KLHL8: variants seen among roughly 807,000 people sequenced by gnomAD.
KLHL8 encodes kelch-like protein 8.
In KLHL8, 38 loss-of-function variants were observed where a neutral mutation model predicts 63.5. The ratio of observed to expected loss-of-function variants is 0.60; its 90% confidence interval spans 0.46 to 0.78. The LOEUF (loss-of-function observed/expected upper bound fraction) is 0.78, where lower values mean the gene tolerates loss of function less well. KLHL8 is among the 30% of genes least tolerant of loss of function. KLHL8 has a pLI of 0.00. For missense variants in KLHL8, 566 were observed against 752.4 expected, an observed-to-expected ratio of 0.75 and a Z score of 2.90; for synonymous variants, 224 against 254.3, an observed-to-expected ratio of 0.88 and a Z score of 1.13.
intron 4 of KLHL8, 140 bp from the exon 5 acceptor site, chr4:87,178,760 C>G (rs867474459): frequency 1.1e-5 from 9 of 802,740 alleles, no homozygotes; most frequent in Middle Eastern, 3.5e-4. Flanking sequence ...TACTAGAAAT[C>G]TAATAAAATT....
intron 8 of KLHL8, among the ~76,000 whole-genome samples, chr4:87,164,942 A>C (rs537279220): frequency 1.3e-5 from 2 of 151,980 alleles, no homozygotes; most frequent in Non-Finnish European, 2.9e-5. Context: ...AGGTCAGGAG[A>C]TCGAGACCAT....
At chr4:87,225,857 T>C (rs923734247) in intron 1 of KLHL8, among the ~76,000 whole-genome samples, 2 of 152,220 alleles carry the variant, frequency 1.3e-5, no homozygotes, top group African/African-American at 4.8e-5. Flanking sequence ...GTTGTTTTTT[T>C]GTTTTGTTTT....
intron 4 of KLHL8, among the ~76,000 whole-genome samples, chr4:87,182,193 A>G (rs2109987111): frequency 6.9e-6 from 1 of 144,588 alleles, no homozygotes; most frequent in African/African-American, 2.6e-5. Flanking sequence ...AGATCGCGCC[A>G]CTGCACTCCA....
chr4:87,175,795 G>A (rs1730797769), intron 6 of KLHL8, among the ~76,000 whole-genome samples: 1 of 152,168 alleles, frequency 6.6e-6, no homozygotes, highest in African/African-American at 2.4e-5. Context: ...ACATAAATAT[G>A]TAGGTGAGAA....
chr4:87,171,676 AACATCATTGGCTTATTTCCT>A (rs1349808011), intron 6 of KLHL8, among the ~76,000 whole-genome samples: 2 of 152,228 alleles, frequency 1.3e-5, no homozygotes. Flanking sequence ...AAAAGCAGAC[AACATCATTGGCTTATTTCCT>A]ACTCCTCAAA....
At chr4:87,190,420 G>T (rs181430854) in intron 2 of KLHL8, among the ~76,000 whole-genome samples, 1 of 152,048 alleles carries the variant, frequency 6.6e-6, no homozygotes, top group African/African-American at 2.4e-5. Flanking sequence ...CAAGGTAGGC[G>T]GATCACCTGA....
intron 1 of KLHL8, among the ~76,000 whole-genome samples, chr4:87,211,074 T>C (rs1050207800): frequency 1.3e-5 from 2 of 152,208 alleles, no homozygotes; most frequent in Non-Finnish European, 2.9e-5. Context: ...CTGCTATTAC[T>C]CCCATGTTCA....
chr4:87,176,900 C>A, intron 5 of KLHL8, 32 bp from the exon 6 acceptor site: 1 of 1,080,412 alleles, frequency 9.3e-7, no homozygotes, highest in Admixed American at 2.2e-5. Context: ...TCATTTGACT[C>A]CAAACAAATA....
rs1732995649 is a variant in KLHL8, at chr4:87,226,701, ATATATAATATATATTATT to A, written n.58-5329_58-5312del. On this transcript the variant is annotated intron_variant and non_coding_transcript_variant, in intron 1 of 1. Transcript: ENST00000506274. ...TTTATATATAATATATATATTATTT[ATATATAATATATATTATT>A]TATATATAATATATATTATTTATAT... 4.1e-4 allele frequency among the ~76,000 whole-genome samples: 6 copies of A among 14,764 alleles called. 2 individuals carry two copies. Among genetic ancestry groups the A allele is most frequent in the African/African-American group, 2.2e-3 (6 of 2,672 alleles). 9.7% of individuals were successfully genotyped at this position (14,764 alleles called of 152,430 possible). A position where few individuals can be genotyped will look rare whatever the true frequency, so the allele number is the denominator to read the frequency against.
intron 4 of KLHL8, among the ~76,000 whole-genome samples, chr4:87,182,407 G>A (rs1042048936): frequency 2.0e-5 from 3 of 151,956 alleles, no homozygotes; most frequent in African/African-American, 4.8e-5. Flanking sequence ...ATCAGGTATT[G>A]CCTTTTGTTG....
At chr4:87,180,015 T>C (rs1202087274) in intron 4 of KLHL8, among the ~76,000 whole-genome samples, 3 of 152,174 alleles carry the variant, frequency 2.0e-5, no homozygotes, top group African/African-American at 2.4e-5. Context: ...GGTGACCACT[T>C]CCTTCATACT....
upstream of KLHL8, chr4:87,220,681 T>G (rs1732809251): frequency 6.6e-6 from 1 of 151,598 alleles, no homozygotes. Flanking sequence ...TCTCGGGACC[T>G]CCTCCCCGAG....
upstream of KLHL8, chr4:87,220,838 C>T (rs1392892564): frequency 1.3e-5 from 2 of 152,268 alleles, no homozygotes; most frequent in Non-Finnish European, 2.9e-5. Context: ...GCCTAAATAC[C>T]TTTGAGCTTA....
chr4:87,225,996 G>A (rs973446343), intron 1 of KLHL8, among the ~76,000 whole-genome samples: 3 of 152,016 alleles, frequency 2.0e-5, no homozygotes, highest in African/African-American at 4.8e-5. Flanking sequence ...AATTCTCTCC[G>A]GAGCAATATG....
chr4:87,228,104 C>T (rs1733065833), intron 1 of KLHL8, among the ~76,000 whole-genome samples: 1 of 152,152 alleles, frequency 6.6e-6, no homozygotes, highest in African/African-American at 2.4e-5. Context: ...AGGAGGGCAA[C>T]ACCTCCTGAC....
At chr4:87,197,749 A>G (rs1731751477) in intron 1 of KLHL8, among the ~76,000 whole-genome samples, 1 of 152,182 alleles carries the variant, frequency 6.6e-6, no homozygotes, top group Non-Finnish European at 1.5e-5. Flanking sequence ...AGCCACTGTA[A>G]TATCTCTCTT....
intron 1 of KLHL8, among the ~76,000 whole-genome samples, chr4:87,197,746 G>C (rs1468401371): frequency 1.3e-5 from 2 of 152,136 alleles, no homozygotes; most frequent in Non-Finnish European, 2.9e-5. Flanking sequence ...ACCAGCCACT[G>C]TAATATCTCT....
At chr4:87,229,733 A>G (rs1733102474) in intron 1 of KLHL8, among the ~76,000 whole-genome samples, 1 of 144,072 alleles carries the variant, frequency 6.9e-6, no homozygotes, top group African/African-American at 2.6e-5. Context: ...CACCTGGCCT[A>G]CTTTTTTTTT....
chr4:87,174,250 A>ATG (rs201473666), intron 6 of KLHL8, among the ~76,000 whole-genome samples: 2 of 150,462 alleles, frequency 1.3e-5, no homozygotes, highest in Non-Finnish European at 3.0e-5. Flanking sequence ...ATATGTGTGT[A>ATG]TGTGTGTGTG....
Sources: gnomAD v4.1 joint callset for allele counts (sites outside exome capture counted in the v4.1 genomes callset) on GRCh38, gnomAD v4.1.1 for gene constraint, MANE v1.5 for transcripts, NCBI Gene and HGNC (gene_info 2026-07-23, HGNC 2026-07-21) for gene names.